DNAH6: variants seen among roughly 807,000 people sequenced by gnomAD.
DNAH6 encodes axonemal beta dynein heavy chain 6.
In DNAH6, 340 loss-of-function variants were observed where a neutral mutation model predicts 491.4. The ratio of observed to expected loss-of-function variants is 0.69; its 90% CI spans 0.63 to 0.76. The LOEUF (loss-of-function observed/expected upper bound fraction) is 0.76, where lower values mean the gene tolerates loss of function less well. Ranked by LOEUF, DNAH6 falls within the 30% of genes least tolerant of loss-of-function variation. The probability of loss-of-function intolerance (pLI) is 0.00; values close to 1 mark genes in which losing one functional copy is unlikely to be tolerated. For synonymous variants in DNAH6, 1,603 were observed against 1,686.1 expected (o/e 0.95, Z 1.21); for missense variants, 4,443 against 4,972.2 (o/e 0.89, Z 3.20).
chr2:84,753,755 T>TAAAAAAAAAAAAAA (rs1162541312), intron 63 of DNAH6, among the ~76,000 whole-genome samples: 171 of 77,112 alleles, frequency 2.2e-3, no homozygotes, highest in Non-Finnish European at 2.5e-3. Flanking sequence ...GAAACTCTGT[T>TAAAAAAAAAAAAAA]AAAAAAAAAA....
chr2:84,582,912 T>A (rs931590874), intron 14 of DNAH6, among the ~76,000 whole-genome samples: 1 of 152,232 alleles, frequency 6.6e-6, no homozygotes, highest in Non-Finnish European at 1.5e-5. Flanking sequence ...TCTTCCTGTG[T>A]TCAAGAGAAA....
Position 84,616,948 on chromosome 2 carries a change from G to T in DNAH6, c.3538G>T (p.Ala1180Ser). ...LLDQIQKCLE[A>S]YLESKRVIFP... Reference sequence around the variant, plus strand: ...TGACCAAATTCAGAAGTGCCTAGAGGCATACTTAGAATCAAAAAGAGTTAT... The same window carrying T: ...TGACCAAATTCAGAAGTGCCTAGAGTCATACTTAGAATCAAAAAGAGTTAT... Residue 1180 changes from alanine to serine, a missense_variant, in exon 23 of 77, where the codon GCA becomes TCA. Physicochemically the swap from Ala to Ser is moderately conservative, Grantham distance 99 (BLOSUM62 1). Around this residue, in one of 3 missense-constraint regions of DNAH6, gnomAD observed 2,977 missense variants for 3,296.6 expected, o/e 0.90. Coordinates refer to ENST00000389394, the MANE Select transcript of DNAH6 (RefSeq NM_001370.2). 1.3e-6 allele frequency: 2 copies of T among 1,499,322 alleles called. No homozygotes were observed. The highest frequency in any genetic ancestry group is 1.8e-6 in the Non-Finnish European group (2 of 1,127,676). 92.9% of individuals were successfully genotyped at this position (1,499,322 alleles called of 1,614,324 possible).
chr2:84,541,830 T>G (rs1036078020), intron 4 of DNAH6, among the ~76,000 whole-genome samples: 1 of 152,220 alleles, frequency 6.6e-6, no homozygotes, highest in African/African-American at 2.4e-5. Flanking sequence ...AACATTATTG[T>G]GTATCGCAAT....
At chr2:84,578,922 A>C (rs1337297827) in intron 13 of DNAH6, among the ~76,000 whole-genome samples, 2 of 152,076 alleles carry the variant, frequency 1.3e-5, no homozygotes, top group African/African-American at 2.4e-5. Flanking sequence ...ACTCTCACAT[A>C]CTTCTTCCTG....
At chr2:84,525,509 A>G (rs1353698175) in intron 2 of DNAH6, 56 bp from the exon 3 acceptor site, 5 of 1,489,178 alleles carry the variant, frequency 3.4e-6, no homozygotes, top group Non-Finnish European at 4.5e-6. Context: ...AGTGAAAAAT[A>G]AAACAAGTTT....
At chr2:84,594,951 T>G (rs371355036) in intron 17 of DNAH6, among the ~76,000 whole-genome samples, 1 of 152,164 alleles carries the variant, frequency 6.6e-6, no homozygotes, top group African/African-American at 2.4e-5. Flanking sequence ...TTTAACTCAT[T>G]TATCAATTAT....
chr2:84,475,792 C>T, the DNAH6 span, among the ~76,000 whole-genome samples: 12 of 152,164 alleles, frequency 7.9e-5, no homozygotes, highest in African/African-American at 2.7e-4. Context: ...CTCTTGGAGC[C>T]GAGCAATAAA....
chr2:84,669,740 G>A (rs1692531049), intron 38 of DNAH6, among the ~76,000 whole-genome samples: 1 of 152,208 alleles, frequency 6.6e-6, no homozygotes, highest in African/African-American at 2.4e-5. Context: ...TAGAGGGCCA[G>A]CGTTTGTGTT....
At chr2:84,764,564 T>A (rs922311180) in intron 64 of DNAH6, among the ~76,000 whole-genome samples, 1 of 152,184 alleles carries the variant, frequency 6.6e-6, no homozygotes, top group Non-Finnish European at 1.5e-5. Context: ...GAGGGCATCT[T>A]CAATAGCTCA....
Position 84,625,018 on chromosome 2 carries a change from C to T in DNAH6, c.4470C>T (p.Ala1490=). Residue 1490 remains alanine (A), a synonymous_variant, in exon 29 of 77, where the codon GCC becomes GCT. Transcript: ENST00000389394. ...CCAAAGATCTGGCAAAAGCTCTTGCCATCCAGTGTGTGGTCTTTAACTGTT... is the reference window on the plus strand; with the variant it reads ...CCAAAGATCTGGCAAAAGCTCTTGCTATCCAGTGTGTGGTCTTTAACTGTT... ...ETTKDLAKAL[A]IQCVVFNCSD... 1.3e-6 allele frequency: 2 copies of T among 1,551,566 alleles called. No individual in the cohort carries two copies. The highest frequency in any genetic ancestry group is 8.7e-7 in the Non-Finnish European group (1 of 1,146,894).
At chr2:84,772,000 A>G (rs1490578018) in intron 64 of DNAH6, among the ~76,000 whole-genome samples, 1 of 152,138 alleles carries the variant, frequency 6.6e-6, no homozygotes, top group Non-Finnish European at 1.5e-5. Context: ...GCAAAAGCAT[A>G]AAACAATAAT....
intron 3 of DNAH6, among the ~76,000 whole-genome samples, chr2:84,527,216 G>A (rs1558664533): frequency 2.0e-5 from 3 of 152,098 alleles, no homozygotes; most frequent in Admixed American, 1.3e-4. Context: ...TTGACTTATC[G>A]AATCAGACGG....
chr2:84,473,511 T>C, the DNAH6 span, among the ~76,000 whole-genome samples: 2 of 152,242 alleles, frequency 1.3e-5, no homozygotes, highest in African/African-American at 4.8e-5. Context: ...TTGTGCTTAC[T>C]GAATTTTTTC....
At chr2:84,627,364 A>G (rs1687979185) in intron 29 of DNAH6, among the ~76,000 whole-genome samples, 1 of 152,028 alleles carries the variant, frequency 6.6e-6, no homozygotes, top group Non-Finnish European at 1.5e-5. Flanking sequence ...TTTCCCATTC[A>G]AGTTTATAAA....
rs1391493758 is a variant in DNAH6, at chr2:84,604,409, T to C, written c.2939T>C (p.Val980Ala). The change falls in exon 19 of 77, where the codon GTT becomes GCT. Residue 980 changes from valine (V) to alanine (A), a missense_variant. By Grantham distance (64) the Val-to-Ala change is moderately conservative (BLOSUM62 0). Transcript: ENST00000389394. ...CATTGGGCAGCTATTGAACAAACAG[T>C]TGATGCCACTCTAGTGGATGCTGAA... ...ARHWAAIEQT[V>A]DATLVDAEIP... 2 of 1,552,242 alleles carry C rather than the reference T, an allele frequency of 1.3e-6. No homozygotes were observed. The highest frequency in any genetic ancestry group is 1.7e-6 in the Non-Finnish European group (2 of 1,147,082).
rs149500966 is a variant in DNAH6 at position 84,809,996 on chromosome 2, G to A, written c.11739+1454G>A. On this transcript the variant is annotated intron_variant, in intron 72 of 76. Coordinates refer to ENST00000389394, the MANE Select transcript of DNAH6 (RefSeq NM_001370.2). ...GTGCTATGTGCCCAGCTAACACTAAGGAGGTGCTTTTGTTCTGAGGAACAC... is the reference window on the plus strand; with the variant it reads ...GTGCTATGTGCCCAGCTAACACTAAAGAGGTGCTTTTGTTCTGAGGAACAC... Among the ~76,000 whole-genome samples the A allele has an allele frequency of 9.9e-5, 15 of 152,274 alleles. No homozygotes were observed. The East Asian group carries it at 2.9e-3, about 29-fold the overall frequency.
chr2:84,647,539 A>G (rs892903851), intron 33 of DNAH6, among the ~76,000 whole-genome samples: 1 of 152,042 alleles, frequency 6.6e-6, no homozygotes, highest in African/African-American at 2.4e-5. Flanking sequence ...CTCATTTACC[A>G]CTCCAAAAAC....
Position 84,709,708 on chromosome 2 carries a change from C to T in DNAH6, c.9252+162C>T, listed in dbSNP as rs868495520. ...GTGTTAAAGTCCTATAGTCCAAGTC[C>T]CTCATTTTGTGGATGAGAAAGTAAG... On this transcript the variant is annotated intron_variant, in intron 55 of 76. Coordinates refer to ENST00000389394, the MANE Select transcript of DNAH6 (RefSeq NM_001370.2). Among the ~76,000 whole-genome samples, 5 of 152,120 alleles carry T rather than the reference C, an allele frequency of 3.3e-5. No homozygotes were observed. The South Asian group carries it at 1.0e-3, about 32-fold the overall frequency.
Position 84,531,030 on chromosome 2 carries a change from G to C in DNAH6, c.662+1864G>C, listed in dbSNP as rs570217610. Among the ~76,000 whole-genome samples the C allele has an allele frequency of 4.6e-5, 7 of 152,078 alleles. No homozygotes were observed. The South Asian group carries it at 8.3e-4, about 18-fold the overall frequency. On this transcript the variant is annotated intron_variant, in intron 4 of 76. Coordinates refer to ENST00000389394, the MANE Select transcript of DNAH6 (RefSeq NM_001370.2). Reference sequence around the variant, plus strand: ...GGCTTTATACATTTTAGGAAGACACGAGACATCAATTAATATGTGTAAGAT... The same window carrying C: ...GGCTTTATACATTTTAGGAAGACACCAGACATCAATTAATATGTGTAAGAT...
Sources: allele counts gnomAD v4.1 joint callset (sites outside exome capture counted in the v4.1 genomes callset), GRCh38; gene constraint gnomAD v4.1.1; regional missense constraint gnomAD v4.1.1; transcripts MANE v1.5; gene names NCBI Gene and HGNC (gene_info 2026-07-23, HGNC 2026-07-21).